Variants in RGMA observed in about 807,000 individuals in gnomAD.
RGMA encodes repulsive guidance molecule BMP co-receptor a.
RGMA carries 10 observed loss-of-function variants against 23.2 expected under a neutral mutation model. The ratio of observed to expected loss-of-function variants is 0.43; its 90% CI spans 0.27 to 0.73. The LOEUF (loss-of-function observed/expected upper bound fraction) is 0.73, where lower values mean the gene tolerates loss of function less well. Among genes scored for constraint, RGMA ranks in the 30% least tolerant of loss-of-function variants. RGMA has a pLI of 0.20. For missense variants in RGMA, 547 were observed against 630.5 expected, an observed-to-expected ratio of 0.87 and a Z score of 1.42; for synonymous variants, 308 against 279.3, an observed-to-expected ratio of 1.10 and a Z score of -1.03.
intron 1 of RGMA, among the ~76,000 whole-genome samples, chr15:93,087,462 TGC>T (rs1895653034): frequency 6.3e-3 from 2 of 318 alleles, no homozygotes; most frequent in African/African-American, 0.014. Context: ...TCTTTGTATG[TGC>T]AAAAAAAAAA....
At chr15:93,053,502 C>T (rs2054962280) in intron 2 of RGMA, among the ~76,000 whole-genome samples, 1 of 152,228 alleles carries the variant, frequency 6.6e-6, no homozygotes, top group South Asian at 2.1e-4. Context: ...AGCCTCAGCA[C>T]TCTTGTCTGG....
intron 1 of RGMA, 194 bp from the exon 2 acceptor site, chr15:93,073,225 T>TCGA: frequency 2.7e-6 from 3 of 1,093,104 alleles, no homozygotes; most frequent in Non-Finnish European, 3.4e-6. Context: ...TCCGCCAATG[T>TCGA]CGACGCGGCC....
rs1316971699 is a variant in RGMA, at chr15:93,049,002, C to CCTGGAAGG, written c.645+2983_645+2990dup. ...CCACCATCTCTCGCAGAGACAGCCT[C>CCTGGAAGG]CTGGAAGGCTGACAGGCTGCTTGAC... is the stretch of plus-strand genomic sequence containing the variant. On this transcript the variant is annotated intron_variant, in intron 3 of 3. Transcript: ENST00000329082. 2.0e-5 allele frequency among the ~76,000 whole-genome samples: 3 copies of CCTGGAAGG among 152,350 alleles called. No individual in the cohort carries two copies. In the East Asian group the frequency reaches 5.8e-4, roughly 29 times the overall value.
chr15:93,072,824 A>G (rs969857090), intron 2 of RGMA, 92 bp downstream of exon 2: 2 of 1,376,938 alleles, frequency 1.5e-6, no homozygotes, highest in Non-Finnish European at 2.0e-6. Flanking sequence ...GGTCCGGAGA[A>G]CTTGAGCCCG....
chr15:93,044,668 C>CTT lies in RGMA; in HGVS notation c.*329_*330insAA, dbSNP rs1313023295. Reference sequence around the variant, plus strand: ...CATTGCGAGGGGGAAGGAGCTGACTCTGACGGTTCCCAGTGTGTCTCTGGT... The same window carrying CTT: ...CATTGCGAGGGGGAAGGAGCTGACTCTTTGACGGTTCCCAGTGTGTCTCTGGT... On this transcript the variant is annotated 3_prime_UTR_variant, in exon 4 of 4. Transcript: ENST00000329082. 11 of 393,104 alleles carry CTT rather than the reference C, an allele frequency of 2.8e-5. No homozygotes were observed. The highest frequency in any genetic ancestry group is 5.1e-5 in the Non-Finnish European group (11 of 215,686). The allele number at this position is 393,104 out of a possible 1,614,324, so 24.4% of individuals were successfully genotyped here. A position where few individuals can be genotyped will look rare whatever the true frequency, so the allele number is the denominator to read the frequency against.
Position 93,052,211 on chromosome 15 carries a change from C to T in RGMA, c.427G>A (p.Glu143Lys), listed in dbSNP as rs763987490. The stretch of plus-strand genomic sequence containing the variant: ...AAGCTCTTCTCGTAATGGCAGATCT[C>T]GGGGCTGTCCGAGCGCTCCTGGCTG... Reference protein sequence around the residue: ...GDSQERSDSPEICHYEKSFHK... With the variant: ...GDSQERSDSPKICHYEKSFHK... The change falls in exon 3 of 4, where the codon GAG becomes AAG. Residue 143 changes from glutamate to lysine, a missense_variant. Glu to Lys is a moderately conservative substitution (Grantham distance 56, BLOSUM62 1). Around this residue, in one of 3 missense-constraint regions of RGMA, gnomAD observed 214 missense variants for 234.7 expected, o/e 0.91. Transcript: ENST00000329082. The T allele has an allele frequency of 8.7e-6, 14 of 1,609,542 alleles. No individual in the cohort carries two copies. Among genetic ancestry groups the T allele is most frequent in the South Asian group, 5.5e-5 (5 of 91,040 alleles).
At chr15:93,073,574 G>A (rs1895412190) in intron 1 of RGMA, 1 of 1,533,054 alleles carries the variant, frequency 6.5e-7, no homozygotes, top group Non-Finnish European at 8.7e-7. Context: ...TTTCCAACCA[G>A]ACTGCCGACC....
At chr15:93,049,041 G>A (rs1024858734) in intron 3 of RGMA, among the ~76,000 whole-genome samples, 20 of 152,230 alleles carry the variant, frequency 1.3e-4, no homozygotes, top group Non-Finnish European at 2.4e-4. Context: ...TCTTGGCACC[G>A]GTGCCAGGGA....
At chr15:93,055,423 C>G (rs908439181) in intron 2 of RGMA, among the ~76,000 whole-genome samples, 1 of 152,176 alleles carries the variant, frequency 6.6e-6, no homozygotes, top group Non-Finnish European at 1.5e-5. Context: ...CAGGCCTCCC[C>G]TCATTGCATC....
chr15:93,045,063 G>T lies in RGMA; in HGVS notation c.1288C>A (p.Leu430Met), dbSNP rs775664025. 3 of 1,574,064 alleles carry T rather than the reference G, an allele frequency of 1.9e-6. No homozygotes were observed. Among genetic ancestry groups the T allele is most frequent in the East Asian group, 2.3e-5 (1 of 42,658 alleles). ...LPGRAAAGLP[L>M]APRPLLGALV... ...GCGCCCAGGAGGGGCCGGGGGGCCA[G>T]GGGCAGCCCCGCAGCCGCCCTGCCT... The change falls in exon 4 of 4, where the codon CTG (leucine) becomes ATG (methionine). Residue 430 changes from leucine (L) to methionine (M), a missense_variant. Transcript: ENST00000329082. The surrounding 1 kb of genome is among the most constrained non-coding windows in gnomAD (Gnocchi z 6.9).
chr15:93,052,383 G>A lies in RGMA; in HGVS notation c.255C>T (p.Cys85=), dbSNP rs779474279. ...GGCAGGTGCGGGCCGTCCGCCGCGTGCACAGGGCGTAGCTGCGCAAGGCTG... is the reference window on the plus strand; with the variant it reads ...GGCAGGTGCGGGCCGTCCGCCGCGTACACAGGGCGTAGCTGCGCAAGGCTG... ...FCAALRSYAL[C]TRRTARTCRG... Residue 85 remains cysteine (C), a synonymous_variant, in exon 3 of 4, where the codon TGC becomes TGT. Coordinates refer to ENST00000329082, the MANE Select transcript of RGMA (RefSeq NM_020211.3). The A allele has an allele frequency of 2.5e-6, 4 of 1,600,154 alleles. No individual in the cohort carries two copies. Among genetic ancestry groups the A allele is most frequent in the South Asian group, 2.2e-5 (2 of 90,970 alleles).
intron 1 of RGMA, among the ~76,000 whole-genome samples, chr15:93,081,807 G>C (rs371219364): frequency 2.6e-5 from 4 of 152,370 alleles, no homozygotes; most frequent in African/African-American, 9.6e-5. Context: ...AGCTGAAATA[G>C]AGACAATCCC....
At position 93,045,713 on chromosome 15, in the gene RGMA, G is replaced by C. The variant is rs184200743; in HGVS notation, c.646-8C>G. 1 of 1,596,110 alleles carries C rather than the reference G, an allele frequency of 6.3e-7. No homozygotes were observed. The highest frequency in any genetic ancestry group is 8.5e-7 in the Non-Finnish European group (1 of 1,175,726). On this transcript the variant is annotated splice_region_variant and splice_polypyrimidine_tract_variant and intron_variant, in intron 3 of 3. Coordinates refer to ENST00000329082, the MANE Select transcript of RGMA (RefSeq NM_020211.3). This position sits in a 1 kb window ranked among gnomAD's most constrained non-coding sequence, Gnocchi z 6.9. Reference sequence around the variant, plus strand: ...CTTGAAGATGATGGTGAGCTGCCGGGGAAAGGGGCAGAGGAGAGTGGGTGA... The same window carrying C: ...CTTGAAGATGATGGTGAGCTGCCGGCGAAAGGGGCAGAGGAGAGTGGGTGA...
Position 93,044,874 on chromosome 15 carries a change from G to C in RGMA, c.*124C>G, listed in dbSNP as rs1259004570. ...CGTGCCTGAGCCCTTGGCAGCAGGC[G>C]GTCCCTGGCGTTCTGCGGGGCCATG... On this transcript the variant is annotated 3_prime_UTR_variant, in exon 4 of 4. Transcript: ENST00000329082. 1 of 777,614 alleles carries C rather than the reference G, an allele frequency of 1.3e-6. No individual in the cohort carries two copies. The highest frequency in any genetic ancestry group is 1.8e-5 in the African/African-American group (1 of 57,112). 48.2% of individuals were successfully genotyped at this position (777,614 alleles called of 1,614,324 possible).
At chr15:93,049,427 A>G (rs2054881670) in intron 3 of RGMA, among the ~76,000 whole-genome samples, 1 of 152,228 alleles carries the variant, frequency 6.6e-6, no homozygotes, top group South Asian at 2.1e-4. Flanking sequence ...CCTGAGTCTC[A>G]GTTTCTTTGT....
At position 93,037,683 on chromosome 15, in the gene RGMA, C is replaced by T. The variant is rs763593516; in HGVS notation, c.*7315G>A. The T allele has an allele frequency of 1.3e-5, 2 of 152,236 alleles. No individual in the cohort carries two copies. The highest frequency in any genetic ancestry group is 3.2e-3 in the Middle Eastern group (1 of 316). The allele number at this position is 152,236 out of a possible 1,614,324, so 9.4% of individuals were successfully genotyped here. Reference sequence around the variant, plus strand: ...ACCAATTCCCCAGACAGTGTCTGAACACGTCTTTGTTCTTCTCTGGGCAGA... The same window carrying T: ...ACCAATTCCCCAGACAGTGTCTGAATACGTCTTTGTTCTTCTCTGGGCAGA... On this transcript the variant is annotated 3_prime_UTR_variant, in exon 4 of 4. Transcript: ENST00000329082. The surrounding 1 kb of genome is among the most constrained non-coding windows in gnomAD (Gnocchi z 4.3).
intron 3 of RGMA, 71 bp downstream of exon 3, chr15:93,051,922 G>A (rs2054927009): frequency 6.8e-7 from 1 of 1,464,642 alleles, no homozygotes; most frequent in East Asian, 2.5e-5. Flanking sequence ...GGCCCTCTCA[G>A]CCTCTCAGTG....
rs569174381 is a variant in RGMA, at chr15:93,042,463, C to G, written c.*2535G>C. The G allele has an allele frequency of 1.3e-5, 2 of 152,738 alleles. No individual in the cohort carries two copies. The highest frequency in any genetic ancestry group is 6.5e-5 in the Admixed American group (1 of 15,292). 9.5% of individuals were successfully genotyped at this position (152,738 alleles called of 1,614,324 possible). A position where few individuals can be genotyped will look rare whatever the true frequency, so the allele number is the denominator to read the frequency against. On this transcript the variant is annotated 3_prime_UTR_variant, in exon 4 of 4. Transcript: ENST00000329082. ...ACAACTGTATGGGACAGGCACCCCC[C>G]CATCTTCCAGAGAACAGCATGCAGG...
rs1399536190 is a variant in RGMA, at chr15:93,052,049, C to T, written c.589G>A (p.Val197Met). The T allele has an allele frequency of 1.9e-6, 3 of 1,611,904 alleles. No individual in the cohort carries two copies. Among genetic ancestry groups the T allele is most frequent in the Non-Finnish European group, 2.5e-6 (3 of 1,179,188 alleles). Reference protein sequence around the residue: ...WPLIDNNYLNVQVTNTPVLPG... With the variant: ...WPLIDNNYLNMQVTNTPVLPG... Reference sequence around the variant, plus strand: ...AGCACAGGCGTGTTGGTGACCTGCACGTTCAGGTAATTATTGTCGATGAGC... The same window carrying T: ...AGCACAGGCGTGTTGGTGACCTGCATGTTCAGGTAATTATTGTCGATGAGC... Residue 197 changes from valine to methionine, a missense_variant, in exon 3 of 4, where the codon GTG (valine) becomes ATG (methionine). Coordinates refer to ENST00000329082, the MANE Select transcript of RGMA (RefSeq NM_020211.3).
Sources: gnomAD v4.1 joint callset for allele counts (sites outside exome capture counted in the v4.1 genomes callset) on GRCh38, gnomAD v4.1.1 for gene constraint, gnomAD v4.1.1 regional missense constraint, Gnocchi (gnomAD v3.1) non-coding constraint, MANE v1.5 for transcripts, NCBI Gene and HGNC (gene_info 2026-07-23, HGNC 2026-07-21) for gene names.